IL17RA: variants seen among roughly 807,000 people sequenced by gnomAD.
The protein encoded by IL17RA is interleukin 17 receptor A.
Under a neutral mutation model 50.4 loss-of-function variants are expected in IL17RA, and 34 were observed. That is an observed-to-expected ratio of 0.67 (90% CI 0.51 to 0.90). IL17RA has a LOEUF of 0.90. IL17RA is among the 40% of genes least tolerant of loss of function. The probability of loss-of-function intolerance (pLI) is 0.00; values close to 1 mark genes in which losing one functional copy is unlikely to be tolerated. For synonymous variants in IL17RA, 585 were observed against 510.4 expected, an observed-to-expected ratio of 1.15 and a Z score of -1.97; for missense variants, 1,276 against 1,169.8, an observed-to-expected ratio of 1.09 and a Z score of -1.32.
In IL17RA at chr22:17,112,652, A is replaced by G. The variant is rs2061448318; in HGVS notation, c.*2832A>G. The stretch of plus-strand genomic sequence containing the variant: ...GCTTACCCTAAATGCTATTAATTCC[A>G]TCACTCTGAGTATGGTGTTTGCTGT... On this transcript the variant is annotated 3_prime_UTR_variant, in exon 13 of 13. Transcript: ENST00000319363. The G allele has an allele frequency of 6.6e-6, 1 of 152,126 alleles. No homozygotes were observed. The highest frequency in any genetic ancestry group is 2.4e-5 in the African/African-American group (1 of 41,406). The allele number at this position is 152,126 out of a possible 1,614,324, so 9.4% of individuals were successfully genotyped here.
At position 17,114,338 on chromosome 22, in the gene IL17RA, C is replaced by T. The variant is rs1356674574; in HGVS notation, c.*4518C>T. ...TCCTAGCACTGGGTCCACACTCTCG[C>T]CCTGTCCATTTAGGTTGATGAAAGC... On this transcript the variant is annotated 3_prime_UTR_variant, in exon 13 of 13. Coordinates refer to ENST00000319363, the MANE Select transcript of IL17RA (RefSeq NM_014339.7). 2 of 152,400 alleles carry T rather than the reference C, an allele frequency of 1.3e-5. No homozygotes were observed. Among genetic ancestry groups the T allele is most frequent in the African/African-American group, 4.8e-5 (2 of 41,440 alleles). 9.4% of individuals were successfully genotyped at this position (152,400 alleles called of 1,614,324 possible).
At position 17,085,120 on chromosome 22, in the gene IL17RA, C is replaced by A; in HGVS notation, c.29C>A (p.Ala10Asp). 1 of 1,402,638 alleles carries A rather than the reference C, an allele frequency of 7.1e-7. No individual in the cohort carries two copies. The allele number at this position is 1,402,638 out of a possible 1,614,324, so 86.9% of individuals were successfully genotyped here. A position where few individuals can be genotyped will look rare whatever the true frequency, so the allele number is the denominator to read the frequency against. The part of the protein sequence containing the change: MGAARSPPS[A>D]VPGPLLGLLL... Reference sequence around the variant, plus strand: ...GGGGCCGCACGCAGCCCGCCGTCCGCTGTCCCGGGGCCCCTGCTGGGGCTG... The same window carrying A: ...GGGGCCGCACGCAGCCCGCCGTCCGATGTCCCGGGGCCCCTGCTGGGGCTG... The change falls in exon 1 of 13, where the codon GCT (alanine) becomes GAT (aspartate). Residue 10 changes from alanine to aspartate, a missense_variant. Coordinates refer to ENST00000319363, the MANE Select transcript of IL17RA (RefSeq NM_014339.7).
At chr22:17,103,239 T>G (rs1601345041) in intron 7 of IL17RA, among the ~76,000 whole-genome samples, 1 of 152,212 alleles carries the variant, frequency 6.6e-6, no homozygotes, top group South Asian at 2.1e-4. Context: ...GAACACAGAT[T>G]TGTTGCCCCA....
chr22:17,085,271 G>C, intron 1 of IL17RA, 42 bp downstream of exon 1: 1 of 1,534,568 alleles, frequency 6.5e-7, no homozygotes, highest in South Asian at 1.2e-5. Flanking sequence ...AGGATGCTGC[G>C]GACGCGGGGC....
At chr22:17,094,691 C>CTCTCTCTCTCTATATATA (rs1448096911) in intron 1 of IL17RA, among the ~76,000 whole-genome samples, 7 of 24,694 alleles carry the variant, frequency 2.8e-4, no homozygotes, top group Admixed American at 4.5e-4. Flanking sequence ...CTCTCTCTCT[C>CTCTCTCTCTCTATATATA]TATATATATA....
In IL17RA at chr22:17,085,104, C is replaced by G. The variant is rs1351337413; in HGVS notation, c.13C>G (p.Arg5Gly). The G allele has an allele frequency of 2.2e-6, 3 of 1,361,776 alleles. No homozygotes were observed. The highest frequency in any genetic ancestry group is 1.9e-6 in the Non-Finnish European group (2 of 1,058,400). The allele number at this position is 1,361,776 out of a possible 1,614,324, so 84.4% of individuals were successfully genotyped here. Residue 5 changes from arginine (R) to glycine (G), a missense_variant, in exon 1 of 13, where the codon CGC becomes GGC. By Grantham distance (125) the Arg-to-Gly change is moderately radical. Coordinates refer to ENST00000319363, the MANE Select transcript of IL17RA (RefSeq NM_014339.7). ...CGCCAGCCGGGCCATGGGGGCCGCA[C>G]GCAGCCCGCCGTCCGCTGTCCCGGG... The part of the protein sequence containing the change: MGAA[R>G]SPPSAVPGPL...
intron 10 of IL17RA, 113 bp from the exon 11 acceptor site, chr22:17,105,740 T>C (rs2061411980): frequency 1.6e-5 from 23 of 1,399,018 alleles, no homozygotes; most frequent in Non-Finnish European, 2.3e-5. Flanking sequence ...GACCATGGTT[T>C]GTCGTGGTGG....
chr22:17,105,247 T>A (rs1027599685), intron 9 of IL17RA, among the ~76,000 whole-genome samples: 5 of 152,134 alleles, frequency 3.3e-5, no homozygotes, highest in Non-Finnish European at 7.4e-5. Context: ...ACAGAGATGT[T>A]GAATAACTTG....
chr22:17,105,615 C>T lies in IL17RA; in HGVS notation c.943+13C>T, dbSNP rs2061410806. 1.2e-6 allele frequency: 2 copies of T among 1,612,964 alleles called. No individual in the cohort carries two copies. The highest frequency in any genetic ancestry group is 3.3e-5 in the Admixed American group (2 of 60,004). ...GAACCAATTCCGGGTAAGCTTGGAT[C>T]TCTCTCCGACAGCACTGCAGCCCTC... On this transcript the variant is annotated intron_variant, in intron 10 of 12. Transcript: ENST00000319363.
At chr22:17,090,491 T>C (rs2061344386) in intron 1 of IL17RA, among the ~76,000 whole-genome samples, 2 of 152,194 alleles carry the variant, frequency 1.3e-5, no homozygotes, top group African/African-American at 2.4e-5. Context: ...TTAAAAATGG[T>C]ACTAAGATGT....
At chr22:17,100,141 T>TAAAAAGAAA (rs2061384759) in intron 4 of IL17RA, among the ~76,000 whole-genome samples, 1 of 121,556 alleles carries the variant, frequency 8.2e-6, no homozygotes, top group Non-Finnish European at 1.8e-5. Flanking sequence ...GATCCAGGTT[T>TAAAAAGAAA]AAAAAAAAAA....
At chr22:17,102,396 C>A in intron 7 of IL17RA, 94 bp downstream of exon 7, 1 of 1,405,796 alleles carries the variant, frequency 7.1e-7, no homozygotes, top group Non-Finnish European at 1.0e-6. Context: ...AACCGCGTTG[C>A]TAGAAGCTCG....
chr22:17,097,178 T>C (rs1353770581), intron 2 of IL17RA, 92 bp downstream of exon 2: 34 of 1,259,494 alleles, frequency 2.7e-5, no homozygotes, highest in Non-Finnish European at 3.6e-5. Flanking sequence ...GCCATGCCAC[T>C]CCAGGTTCAG....
chr22:17,094,675 C>CTATA (rs1568917420), intron 1 of IL17RA, among the ~76,000 whole-genome samples: 4 of 49,336 alleles, frequency 8.1e-5, no homozygotes, highest in Non-Finnish European at 1.2e-4. Flanking sequence ...CTCTCTCTCT[C>CTATA]TCTCTCTCTC....
intron 1 of IL17RA, among the ~76,000 whole-genome samples, chr22:17,085,920 G>T (rs983175408): frequency 6.6e-6 from 1 of 152,182 alleles, no homozygotes; most frequent in African/African-American, 2.4e-5. Flanking sequence ...CTCCCCAGAG[G>T]CGCGAAGCCC....
At position 17,098,810 on chromosome 22, in the gene IL17RA, G is replaced by A. The variant is rs774703910; in HGVS notation, c.346G>A (p.Val116Ile). ...ILYLEGAELS[V>I]LQLNTNERLC... ...GTACCTCGAGGGTGCAGAGTTATCT[G>A]TCCTGCAGCTGAACACCAATGAACG... The change falls in exon 4 of 13, where the codon GTC (valine) becomes ATC (isoleucine). Residue 116 changes from valine to isoleucine, a missense_variant. Val to Ile is a conservative substitution (Grantham distance 29). Coordinates refer to ENST00000319363, the MANE Select transcript of IL17RA (RefSeq NM_014339.7). 3.7e-6 allele frequency: 6 copies of A among 1,614,204 alleles called. No individual in the cohort carries two copies. The South Asian group carries it at 5.5e-5, about 15-fold the overall frequency.
intron 1 of IL17RA, among the ~76,000 whole-genome samples, chr22:17,088,833 T>C (rs2061337868): frequency 6.6e-6 from 1 of 151,030 alleles, no homozygotes; most frequent in Non-Finnish European, 1.5e-5. Context: ...TCTCACTCTG[T>C]CATCCAGATT....
chr22:17,098,929 C>A, intron 4 of IL17RA, 42 bp downstream of exon 4: 1 of 1,476,700 alleles, frequency 6.8e-7, no homozygotes, highest in Non-Finnish European at 9.5e-7. Context: ...CCACTGATGA[C>A]ACCAGTACAG....
chr22:17,106,895 G>A (rs2061417184), intron 11 of IL17RA, among the ~76,000 whole-genome samples: 1 of 152,152 alleles, frequency 6.6e-6, no homozygotes, highest in African/African-American at 2.4e-5. Flanking sequence ...CTGCTGTTGC[G>A]CTTCTGTTTT....
Sources: gnomAD v4.1 joint callset for allele counts (sites outside exome capture counted in the v4.1 genomes callset) on GRCh38, gnomAD v4.1.1 for gene constraint, MANE v1.5 for transcripts, NCBI Gene and HGNC (gene_info 2026-07-23, HGNC 2026-07-21) for gene names.